CYP2C19: variants seen among roughly 807,000 people sequenced by gnomAD.
CYP2C19 encodes the protein cytochrome P450 family 2 subfamily C member 19.
Under a neutral mutation model 40.9 loss-of-function variants are expected in CYP2C19, and 59 were observed. That is an observed-to-expected ratio of 1.44 (90% CI 1.17 to 1.79). The LOEUF is 1.79. Ranked by LOEUF, CYP2C19 falls within the 40% of genes most tolerant of loss-of-function variation. The probability of loss-of-function intolerance (pLI) is 0.00; values close to 1 mark genes in which losing one functional copy is unlikely to be tolerated. For synonymous variants in CYP2C19, 253 were observed against 208.7 expected, an observed-to-expected ratio of 1.21 and a Z score of -1.83; for missense variants, 754 against 596.9, an observed-to-expected ratio of 1.26 and a Z score of -2.74.
At chr10:94,765,342 C>T (rs1848225067) in intron 1 of CYP2C19, among the ~76,000 whole-genome samples, 1 of 152,020 alleles carries the variant, frequency 6.6e-6, no homozygotes, top group African/African-American at 2.4e-5. Flanking sequence ...GGTGCAGGTG[C>T]CAGTCCAGTT....
At chr10:94,772,615 T>C (rs1394401412) in intron 1 of CYP2C19, among the ~76,000 whole-genome samples, 1 of 152,202 alleles carries the variant, frequency 6.6e-6, no homozygotes, top group Non-Finnish European at 1.5e-5. Context: ...CGGAGCTGAA[T>C]GGCTTTCCTC....
At chr10:94,801,056 C>A in intron 5 of CYP2C19, among the ~76,000 whole-genome samples, 1 of 152,182 alleles carries the variant, frequency 6.6e-6, no homozygotes, top group East Asian at 1.9e-4. Flanking sequence ...ATGAGATGAA[C>A]AAGGTACCGC....
rs1020457518 is a variant in CYP2C19 at position 94,780,732 on chromosome 10, T to A, written c.642+73T>A. The A allele has an allele frequency of 5.3e-5, 82 of 1,534,980 alleles. No homozygotes were observed. The South Asian group carries it at 9.1e-4, about 17-fold the overall frequency. ...TTCTGGGAAATCCAAAATTCTATAT[T>A]GACCAAGCCCTGAAGTACATTTTTG... On this transcript the variant is annotated intron_variant, in intron 4 of 8. Transcript: ENST00000371321.
chr10:94,823,471 C>T (rs1455533875), intron 6 of CYP2C19, among the ~76,000 whole-genome samples: 1 of 152,118 alleles, frequency 6.6e-6, no homozygotes, highest in Non-Finnish European at 1.5e-5. Context: ...CAGCAGCTAG[C>T]GTTATCCTAC....
intron 5 of CYP2C19, among the ~76,000 whole-genome samples, chr10:94,795,400 T>C (rs1848669170): frequency 6.6e-6 from 1 of 152,050 alleles, no homozygotes; most frequent in Non-Finnish European, 1.5e-5. Context: ...ATCCAGTCTA[T>C]CATTGATGGA....
At chr10:94,780,935 G>C (rs971288026) in intron 4 of CYP2C19, among the ~76,000 whole-genome samples, 2 of 152,086 alleles carry the variant, frequency 1.3e-5, no homozygotes, top group African/African-American at 4.8e-5. Flanking sequence ...AAAGTACTTT[G>C]GTGACAGCCC....
chr10:94,852,893 G>C lies in CYP2C19; in HGVS notation c.1452G>C (p.Gln484His). ...TTGCTTCTGTCCCGCCCTTCTATCA[G>C]CTGTGCTTCATTCCTGTCTGAAGAA... Reference protein sequence around the residue: ...NGFASVPPFYQLCFIPV With the variant: ...NGFASVPPFYHLCFIPV Residue 484 changes from glutamine (Q) to histidine (H), a missense_variant, in exon 9 of 9, where the codon CAG (glutamine) becomes CAC (histidine). Coordinates refer to ENST00000371321, the MANE Select transcript of CYP2C19 (RefSeq NM_000769.4). 6.2e-7 allele frequency: 1 copy of C among 1,613,952 alleles called. No individual in the cohort carries two copies. The highest frequency in any genetic ancestry group is 8.5e-7 in the Non-Finnish European group (1 of 1,179,922).
intron 5 of CYP2C19, among the ~76,000 whole-genome samples, chr10:94,813,641 A>C (rs891647037): frequency 1.3e-5 from 2 of 150,574 alleles, no homozygotes; most frequent in South Asian, 4.2e-4. Flanking sequence ...CACCCCCCCC[A>C]AGCTCGAACA....
At chr10:94,836,491 TTC>T (rs1185667775) in intron 6 of CYP2C19, among the ~76,000 whole-genome samples, 1 of 152,250 alleles carries the variant, frequency 6.6e-6, no homozygotes, top group African/African-American at 2.4e-5. Flanking sequence ...GGAAAGCCAC[TTC>T]TGTTTCAGGT....
intron 5 of CYP2C19, among the ~76,000 whole-genome samples, chr10:94,799,068 T>C (rs1848728983): frequency 6.6e-6 from 1 of 152,026 alleles, no homozygotes; most frequent in South Asian, 2.1e-4. Flanking sequence ...TTATTTTGCC[T>C]GTTAGTTGAT....
At chr10:94,834,411 T>A (rs184354779) in intron 6 of CYP2C19, among the ~76,000 whole-genome samples, 2 of 152,152 alleles carry the variant, frequency 1.3e-5, no homozygotes, top group African/African-American at 2.4e-5. Context: ...GGCTAAAAAC[T>A]TGTCAATTTT....
intron 5 of CYP2C19, among the ~76,000 whole-genome samples, chr10:94,792,046 C>T (rs1248918284): frequency 6.6e-6 from 1 of 152,082 alleles, no homozygotes; most frequent in African/African-American, 2.4e-5. Context: ...TCTGGGTGCT[C>T]CTGTATTGGG....
chr10:94,763,794 T>C (rs749007745), intron 1 of CYP2C19, among the ~76,000 whole-genome samples: 2 of 152,030 alleles, frequency 1.3e-5, no homozygotes, highest in Non-Finnish European at 2.9e-5. Flanking sequence ...ACTGGTTCTT[T>C]CCAGTGGGTT....
In CYP2C19 at chr10:94,774,896, TATA is replaced by T. The variant is rs1169071160; in HGVS notation, c.169-156_169-154del. 9.2e-6 allele frequency: 7 copies of T among 759,064 alleles called. No individual in the cohort carries two copies. The East Asian group carries it at 1.4e-4, about 15-fold the overall frequency. 47.0% of individuals were successfully genotyped at this position (759,064 alleles called of 1,614,324 possible). On this transcript the variant is annotated intron_variant, in intron 1 of 8. Transcript: ENST00000371321. ...CATCATAGGCCATCTGAGTGGCAAG[TATA>T]ATAATCATCATCATGTTTATATATA...
intron 1 of CYP2C19, among the ~76,000 whole-genome samples, chr10:94,767,584 G>T (rs572931679): frequency 6.6e-6 from 1 of 152,244 alleles, no homozygotes; most frequent in South Asian, 2.1e-4. Context: ...CCCCCAAAGG[G>T]GCCCTATGAT....
chr10:94,837,630 G>A (rs1435044925), intron 6 of CYP2C19, among the ~76,000 whole-genome samples: 1 of 147,518 alleles, frequency 6.8e-6, no homozygotes, highest in Non-Finnish European at 1.5e-5. Flanking sequence ...GCTGTCCTAG[G>A]ACCCCTTGGA....
intron 6 of CYP2C19, among the ~76,000 whole-genome samples, chr10:94,822,917 AT>A (rs552158198): frequency 3.0e-4 from 45 of 148,096 alleles, no homozygotes; most frequent in African/African-American, 3.2e-4. Context: ...ACCATTTCTA[AT>A]TTTTTTTTTG....
chr10:94,792,724 C>T (rs1848620805), intron 5 of CYP2C19, among the ~76,000 whole-genome samples: 1 of 152,186 alleles, frequency 6.6e-6, no homozygotes, highest in Non-Finnish European at 1.5e-5. Flanking sequence ...GAGAGATCCG[C>T]TGTTAGTCTG....
chr10:94,820,666 GT>G, intron 6 of CYP2C19, 29 bp downstream of exon 6: 1 of 1,613,842 alleles, frequency 6.2e-7, no homozygotes, highest in Non-Finnish European at 8.5e-7. Flanking sequence ...AGTTAATTGA[GT>G]TTTAGGAAAG....
Sources: allele counts gnomAD v4.1 joint callset (sites outside exome capture counted in the v4.1 genomes callset), GRCh38; gene constraint gnomAD v4.1.1; transcripts MANE v1.5; gene names NCBI Gene and HGNC (gene_info 2026-07-23, HGNC 2026-07-21).